Variants in BCAS3 observed in about 807,000 individuals in gnomAD.
BCAS3 encodes BCAS4/BCAS3 fusion.
Under a neutral mutation model 116.1 loss-of-function variants are expected in BCAS3, and 53 were observed. The observed-to-expected ratio is 0.46, with a 90% CI of 0.37 to 0.57. The LOEUF (loss-of-function observed/expected upper bound fraction) is 0.57, where lower values mean the gene tolerates loss of function less well. BCAS3 is among the 20% of genes least tolerant of loss of function. The pLI is 0.00. For missense variants in BCAS3, 917 were observed against 1,165.4 expected (o/e 0.79, Z 3.10); for synonymous variants, 391 against 408.2 (o/e 0.96, Z 0.51).
chr17:60,720,733 GTGCATAGGTTTTATA>G (rs1161324139), intron 5 of BCAS3, among the ~76,000 whole-genome samples: 11 of 152,196 alleles, frequency 7.2e-5, no homozygotes, highest in Non-Finnish European at 1.5e-4. Flanking sequence ...ATAGGAGGAT[GTGCATAGGTTTTATA>G]TGCATAGGTT....
chr17:61,373,374 A>G (rs994677938), intron 23 of BCAS3, among the ~76,000 whole-genome samples: 1 of 151,656 alleles, frequency 6.6e-6, no homozygotes, highest in Non-Finnish European at 1.5e-5. Context: ...ACAGGCATGA[A>G]CCATGGTGCC....
At chr17:61,091,712 C>G (rs2073584710) in intron 22 of BCAS3, among the ~76,000 whole-genome samples, 1 of 152,114 alleles carries the variant, frequency 6.6e-6, no homozygotes, top group Non-Finnish European at 1.5e-5. Context: ...AGTAAATAAT[C>G]AAAATGAAAA....
In BCAS3 at chr17:61,228,507, G is replaced by A. The variant is rs1228069319; in HGVS notation, c.2426-139820G>A. Reference sequence around the variant, plus strand: ...AAGATTTGTGGCAACTGTGTTAAGTGTGTAGACATCATTTTTCTAACAGCA... The same window carrying A: ...AAGATTTGTGGCAACTGTGTTAAGTATGTAGACATCATTTTTCTAACAGCA... On this transcript the variant is annotated intron_variant, in intron 22 of 23. Coordinates refer to ENST00000407086, the MANE Select transcript of BCAS3 (RefSeq NM_017679.5). This position sits in a 1 kb window ranked among gnomAD's most constrained non-coding sequence, Gnocchi z 5.0. 1.3e-5 allele frequency among the ~76,000 whole-genome samples: 2 copies of A among 152,278 alleles called. No homozygotes were observed. The highest frequency in any genetic ancestry group is 3.9e-4 in the East Asian group (2 of 5,188).
At chr17:60,823,699 C>T (rs1217511922) in intron 7 of BCAS3, among the ~76,000 whole-genome samples, 1 of 152,068 alleles carries the variant, frequency 6.6e-6, no homozygotes, top group Admixed American at 6.6e-5. Context: ...TTCGTCATCT[C>T]CAAAAATAGT....
intron 7 of BCAS3, among the ~76,000 whole-genome samples, chr17:60,815,418 A>G (rs537752361): frequency 1.1e-4 from 17 of 152,242 alleles, no homozygotes; most frequent in African/African-American, 3.9e-4. Context: ...CGTTGTGCAC[A>G]TGTACCCTAG....
intron 22 of BCAS3, among the ~76,000 whole-genome samples, chr17:61,093,785 G>A (rs1226232845): frequency 1.3e-5 from 2 of 151,816 alleles, no homozygotes; most frequent in African/African-American, 2.4e-5. Context: ...TACCCACATT[G>A]TACTACCTTA....
chr17:61,106,172 G>T lies in BCAS3; in HGVS notation c.2425+21608G>T, dbSNP rs575242123. Among the ~76,000 whole-genome samples the T allele has an allele frequency of 1.3e-5, 2 of 152,236 alleles. No individual in the cohort carries two copies. The highest frequency in any genetic ancestry group is 1.5e-5 in the Non-Finnish European group (1 of 68,018). ...TTACCAGTTATTGTTGTTAATCTTT[G>T]TGCCTAACTTATAAATTAAACTGTA... On this transcript the variant is annotated intron_variant, in intron 22 of 23. Coordinates refer to ENST00000407086, the MANE Select transcript of BCAS3 (RefSeq NM_017679.5). The surrounding 1 kb of genome is among the most constrained non-coding windows in gnomAD (Gnocchi z 4.2).
chr17:61,062,339 C>G (rs182496086), intron 19 of BCAS3, among the ~76,000 whole-genome samples: 92 of 152,256 alleles, frequency 6.0e-4, no homozygotes, highest in Non-Finnish European at 1.1e-3. Flanking sequence ...TAAAGGTAAG[C>G]TTTAATAAGA....
chr17:60,678,940 C>G (rs2143777548), intron 1 of BCAS3, among the ~76,000 whole-genome samples: 1 of 152,260 alleles, frequency 6.6e-6, no homozygotes, highest in South Asian at 2.1e-4. Context: ...AAAAACAAAA[C>G]AGGATGGGCG....
chr17:60,947,769 A>G (rs1291412999), intron 14 of BCAS3, among the ~76,000 whole-genome samples: 3 of 152,228 alleles, frequency 2.0e-5, no homozygotes, highest in Admixed American at 2.0e-4. Context: ...ATACAAAAAT[A>G]GTTTCATGAT....
In BCAS3 at chr17:60,689,723, A is replaced by G. The variant is rs1211046036; in HGVS notation, c.176A>G (p.Lys59Arg). ...ACACCTCTAACAGAAGAAAAGGAGA[A>G]AATAGTCTGGGTCAGATTTGAAAAT... ...SGTPLTEEKE[K>R]IVWVRFENAD... The change falls in exon 4 of 24, where the codon AAA (lysine) becomes AGA (arginine). Residue 59 changes from lysine to arginine, a missense_variant. Around this residue, in one of 3 missense-constraint regions of BCAS3, gnomAD observed 807 missense variants for 1,026.0 expected, o/e 0.79. Transcript: ENST00000407086. 1 of 1,609,406 alleles carries G rather than the reference A, an allele frequency of 6.2e-7. No individual in the cohort carries two copies. The highest frequency in any genetic ancestry group is 1.1e-5 in the South Asian group (1 of 90,830).
intron 22 of BCAS3, among the ~76,000 whole-genome samples, chr17:61,172,067 CT>C (rs1215085616): frequency 6.6e-6 from 1 of 152,140 alleles, no homozygotes; most frequent in Non-Finnish European, 1.5e-5. Flanking sequence ...CATATCAGTT[CT>C]GAATGTTTGC....
intron 14 of BCAS3, among the ~76,000 whole-genome samples, chr17:60,957,909 G>C (rs1048730042): frequency 2.6e-5 from 4 of 152,162 alleles, no homozygotes; most frequent in African/African-American, 9.7e-5. Context: ...TCTACTTTTG[G>C]CCAATATAGC....
chr17:61,259,672 C>G lies in BCAS3; in HGVS notation c.2426-108655C>G, dbSNP rs1352190714. On this transcript the variant is annotated intron_variant, in intron 22 of 23. Transcript: ENST00000407086. The surrounding 1 kb of genome is among the most constrained non-coding windows in gnomAD (Gnocchi z 4.7). ...ATCAACCTACTTTCAAGAAGAGGCTCATGTTCTGGTTCCAGGGCACCAGCC... is the reference window on the plus strand; with the variant it reads ...ATCAACCTACTTTCAAGAAGAGGCTGATGTTCTGGTTCCAGGGCACCAGCC... 6.6e-6 allele frequency among the ~76,000 whole-genome samples: 1 copy of G among 152,132 alleles called. No individual in the cohort carries two copies. Among genetic ancestry groups the G allele is most frequent in the Non-Finnish European group, 1.5e-5 (1 of 68,024 alleles).
chr17:60,899,146 G>A (rs1401670832), intron 10 of BCAS3, among the ~76,000 whole-genome samples: 1 of 152,078 alleles, frequency 6.6e-6, no homozygotes, highest in African/African-American at 2.4e-5. Context: ...GTTTTTGGGT[G>A]AGGGGCCCTG....
chr17:61,303,474 C>T (rs1419481452), intron 22 of BCAS3, among the ~76,000 whole-genome samples: 5 of 152,144 alleles, frequency 3.3e-5, no homozygotes, highest in South Asian at 2.1e-4. Flanking sequence ...TCAGCTCCAT[C>T]GCCACTCAGC....
Position 61,205,799 on chromosome 17 carries a change from T to G in BCAS3, c.2425+121235T>G, listed in dbSNP as rs894999540. ...CTTTGTAGGAGCCGCAGAGTGTACC[T>G]AGTTTTGCCAGGCAAGGACTGAATA... On this transcript the variant is annotated intron_variant, in intron 22 of 23. Transcript: ENST00000407086. This position sits in a 1 kb window ranked among gnomAD's most constrained non-coding sequence, Gnocchi z 5.2. Among the ~76,000 whole-genome samples, 11 of 152,230 alleles carry G rather than the reference T, an allele frequency of 7.2e-5. No individual in the cohort carries two copies. The highest frequency in any genetic ancestry group is 2.7e-4 in the African/African-American group (11 of 41,462).
chr17:61,019,205 C>T lies in BCAS3; in HGVS notation c.1637+3304C>T, dbSNP rs968145282. ...GCTCTGCCTCCTGTCAGATCAGCAT[C>T]GGCATTAGATTCTCGTTAAGAGTGC... is the stretch of plus-strand genomic sequence containing the variant. On this transcript the variant is annotated intron_variant, in intron 16 of 23. Coordinates refer to ENST00000407086, the MANE Select transcript of BCAS3 (RefSeq NM_017679.5). This position sits in a 1 kb window ranked among gnomAD's most constrained non-coding sequence, Gnocchi z 5.6. 6.6e-6 allele frequency among the ~76,000 whole-genome samples: 1 copy of T among 152,142 alleles called. No homozygotes were observed. Among genetic ancestry groups the T allele is most frequent in the Non-Finnish European group, 1.5e-5 (1 of 68,024 alleles).
chr17:61,257,170 C>A (rs1003260150), intron 22 of BCAS3, among the ~76,000 whole-genome samples: 8 of 152,010 alleles, frequency 5.3e-5, no homozygotes, highest in African/African-American at 1.2e-4. Context: ...GCCTGTAACC[C>A]CAGCACTTTG....
Sources: allele counts gnomAD v4.1 joint callset (sites outside exome capture counted in the v4.1 genomes callset), GRCh38; gene constraint gnomAD v4.1.1; regional missense constraint gnomAD v4.1.1; non-coding constraint Gnocchi (gnomAD v3.1); transcripts MANE v1.5; gene names NCBI Gene and HGNC (gene_info 2026-07-23, HGNC 2026-07-21).